The following NOC3L variants were observed in gnomAD, a reference collection of about 807,000 sequenced individuals.
NOC3L encodes the protein NOC3 like DNA replication regulator, also known as nucleolar complex protein 3 homolog.
A neutral mutation model predicts 102.5 loss-of-function variants in NOC3L; 85 were observed. The observed-to-expected ratio is 0.83, with a 90% CI of 0.70 to 0.99. NOC3L has a LOEUF of 0.99. Ranked by LOEUF, NOC3L falls within the 50% of genes least tolerant of loss-of-function variation. The pLI is 0.00. For missense variants in NOC3L, 878 were observed against 914.9 expected (o/e 0.96, Z 0.52); for synonymous variants, 303 against 309.4 (o/e 0.98, Z 0.22).
Position 94,344,459 on chromosome 10 carries a change from G to A in NOC3L, c.1527C>T (p.Ala509=). ...FVTYFRILKK[A]QRSPLLPAVL... is the part of the protein sequence containing the mutation. ...CTGCTGGCAGGAGAGGTGACCTCTG[G>A]GCCTTCTTCAATATTCTGAAGTAGG... Residue 509 remains alanine, a synonymous_variant, in exon 13 of 21, where the codon GCC becomes GCT. Coordinates refer to ENST00000371361, the MANE Select transcript of NOC3L (RefSeq NM_022451.11). 1.9e-6 allele frequency: 3 copies of A among 1,613,756 alleles called. No individual in the cohort carries two copies. Among genetic ancestry groups the A allele is most frequent in the Non-Finnish European group, 2.5e-6 (3 of 1,179,752 alleles).
chr10:94,357,410 AG>A (rs972972993), intron 3 of NOC3L, 79 bp from the exon 4 acceptor site: 2 of 1,301,638 alleles, frequency 1.5e-6, no homozygotes, highest in African/African-American at 3.0e-5. Context: ...TCAAAAGTAC[AG>A]AAAAACCACC....
At chr10:94,341,303 G>A (rs1004443931) in intron 14 of NOC3L, among the ~76,000 whole-genome samples, 1 of 151,780 alleles carries the variant, frequency 6.6e-6, no homozygotes, top group Non-Finnish European at 1.5e-5. Flanking sequence ...AATTTGAATG[G>A]TTGTCACATA....
rs759731850 is a variant in NOC3L, at chr10:94,350,245, T to C, written c.996A>G (p.Leu332=). ...CTTCTGCCAGTCCTTTGTATGCCTT[T>C]AAGGAAACTACATTACTTTTCTTCA... is the stretch of plus-strand genomic sequence containing the variant. ...RKLKKSNVVS[L]KAYKGLAEVA... The change falls in exon 9 of 21, where the codon TTA becomes TTG. Residue 332 remains leucine, a synonymous_variant. Coordinates refer to ENST00000371361, the MANE Select transcript of NOC3L (RefSeq NM_022451.11). The C allele has an allele frequency of 3.0e-5, 48 of 1,614,100 alleles. No homozygotes were observed. The highest frequency in any genetic ancestry group is 4.0e-5 in the African/African-American group (3 of 74,946).
At chr10:94,330,052 G>T (rs1342172298), downstream of NOC3L, 1 of 152,136 alleles carries the variant, frequency 6.6e-6, no homozygotes, top group Non-Finnish European at 1.5e-5. Flanking sequence ...GCCCTACCAC[G>T]TGTTGAAAAC....
intron 11 of NOC3L, among the ~76,000 whole-genome samples, chr10:94,346,109 C>T (rs1027849447): frequency 2.0e-5 from 3 of 152,174 alleles, no homozygotes; most frequent in African/African-American, 7.2e-5. Flanking sequence ...GCCAACTTCA[C>T]GTGAATGCAT....
the NOC3L span, among the ~76,000 whole-genome samples, chr10:94,323,500 C>T: frequency 6.9e-3 from 1,046 of 152,306 alleles, 5 homozygotes; most frequent in Non-Finnish European, 0.01. Context: ...TATCTGATTT[C>T]ACCAGACTAT....
intron 7 of NOC3L, 91 bp downstream of exon 7, chr10:94,352,805 G>C (rs1232404702): frequency 1.8e-6 from 2 of 1,108,390 alleles, no homozygotes; most frequent in Non-Finnish European, 1.3e-6. Flanking sequence ...CTGGGCGACA[G>C]AGTAAAACTC....
chr10:94,319,284 T>C, the NOC3L span, among the ~76,000 whole-genome samples: 1 of 152,234 alleles, frequency 6.6e-6, no homozygotes, highest in Non-Finnish European at 1.5e-5. Flanking sequence ...TATCTAGGTT[T>C]ACCTGGTGCA....
the NOC3L span, among the ~76,000 whole-genome samples, chr10:94,317,534 TA>T: frequency 6.6e-6 from 1 of 152,118 alleles, no homozygotes; most frequent in African/African-American, 2.4e-5. Context: ...TGCTTACAAG[TA>T]AAATAATAAT....
At chr10:94,337,910 G>C in intron 18 of NOC3L, 36 bp from the exon 19 acceptor site, 1 of 1,466,228 alleles carries the variant, frequency 6.8e-7, no homozygotes, top group African/African-American at 1.4e-5. Flanking sequence ...TTCTGCACAG[G>C]TCAGTCCTTT....
Position 94,340,500 on chromosome 10 carries a change from T to TAAA in NOC3L, c.1645-7_1645-5dup. 1.3e-6 allele frequency: 1 copy of TAAA among 755,676 alleles called. No individual in the cohort carries two copies. Among genetic ancestry groups the TAAA allele is most frequent in the Non-Finnish European group, 2.0e-6 (1 of 505,732 alleles). 46.8% of individuals were successfully genotyped at this position (755,676 alleles called of 1,614,324 possible). The stretch of plus-strand genomic sequence containing the variant: ...GACTTTCTTGATAGCTTAGGTCCTT[T>TAAA]AAAAAAAAAAGGGGGGGGTGAGGGG... On this transcript the variant is annotated splice_polypyrimidine_tract_variant and splice_region_variant and intron_variant, in intron 14 of 20. Coordinates refer to ENST00000371361, the MANE Select transcript of NOC3L (RefSeq NM_022451.11).
the NOC3L span, chr10:94,324,793 C>A: frequency 1.6e-6 from 2 of 1,254,960 alleles, no homozygotes; most frequent in Non-Finnish European, 2.3e-6. Context: ...CTCTCCAAAG[C>A]TCTAGAGAGA....
chr10:94,355,169 A>T, intron 5 of NOC3L, 76 bp from the exon 6 acceptor site: 7 of 1,271,634 alleles, frequency 5.5e-6, no homozygotes, highest in Non-Finnish European at 7.6e-6. Flanking sequence ...ATATTTTTAC[A>T]GTAATAATAA....
chr10:94,340,915 AG>A (rs1368099632), intron 14 of NOC3L, among the ~76,000 whole-genome samples: 1 of 150,420 alleles, frequency 6.6e-6, no homozygotes, highest in East Asian at 2.0e-4. Context: ...CGGGAGGCGG[AG>A]CTTGCAGTGA....
intron 2 of NOC3L, among the ~76,000 whole-genome samples, chr10:94,359,869 T>A (rs563292135): frequency 6.6e-6 from 1 of 152,196 alleles, no homozygotes; most frequent in South Asian, 2.1e-4. Context: ...GGAACTACTA[T>A]ATAATCCATC....
intron 9 of NOC3L, among the ~76,000 whole-genome samples, chr10:94,349,891 T>G (rs2054394103): frequency 6.6e-6 from 1 of 152,118 alleles, no homozygotes; most frequent in South Asian, 2.1e-4. Flanking sequence ...CCCAAGTAGC[T>G]GGGACTACAG....
At chr10:94,323,715 T>C in the NOC3L span, among the ~76,000 whole-genome samples, 1 of 152,244 alleles carries the variant, frequency 6.6e-6, no homozygotes, top group Non-Finnish European at 1.5e-5. Context: ...AGCCATCTTA[T>C]TCAACTGACT....
At position 94,339,745 on chromosome 10, in the gene NOC3L, T is replaced by A; in HGVS notation, c.1956A>T (p.Leu652Phe). The A allele has an allele frequency of 2.5e-6, 4 of 1,613,326 alleles. No homozygotes were observed. The highest frequency in any genetic ancestry group is 1.3e-5 in the African/African-American group (1 of 75,012). Residue 652 changes from leucine (L) to phenylalanine (F), a missense_variant, in exon 17 of 21, where the codon TTA becomes TTT. Leu to Phe is a conservative substitution (Grantham distance 22). Transcript: ENST00000371361. The part of the protein sequence containing the change: ...SIGILATTRI[L>F]MHTFPKTDLL... ...CATTTGTATCACTACTTACATGCATTAATATTCTGGTAGTTGCTAAAATGC... is the reference window on the plus strand; with the variant it reads ...CATTTGTATCACTACTTACATGCATAAATATTCTGGTAGTTGCTAAAATGC...
chr10:94,354,817 G>T, intron 6 of NOC3L, 146 bp downstream of exon 6: 1 of 691,320 alleles, frequency 1.4e-6, no homozygotes, highest in Non-Finnish European at 2.3e-6. Flanking sequence ...CTAAGATTCT[G>T]TCTACTCTCT....
Sources: allele counts gnomAD v4.1 joint callset (sites outside exome capture counted in the v4.1 genomes callset), GRCh38; gene constraint gnomAD v4.1.1; transcripts MANE v1.5; gene names NCBI Gene and HGNC (gene_info 2026-07-23, HGNC 2026-07-21).